Variants in AKAP7 observed in about 807,000 individuals in gnomAD.
AKAP7 encodes A-kinase anchoring protein 7, also known as A kinase (PRKA) anchor protein 7.
A neutral mutation model predicts 39.5 loss-of-function variants in AKAP7; 39 were observed. The ratio of observed to expected loss-of-function variants is 0.99; its 90% CI spans 0.76 to 1.29. AKAP7 has a LOEUF of 1.29. Among genes scored for constraint, AKAP7 ranks in the 50% most tolerant of loss-of-function variants. The pLI is 0.00. For synonymous variants in AKAP7, 140 were observed against 139.1 expected, an observed-to-expected ratio of 1.01 and a Z score of -0.05; for missense variants, 414 against 407.7, an observed-to-expected ratio of 1.02 and a Z score of -0.13.
intron 5 of AKAP7, among the ~76,000 whole-genome samples, chr6:131,182,517 A>G (rs903056671): frequency 6.6e-5 from 10 of 152,318 alleles, no homozygotes; most frequent in East Asian, 1.9e-4. Flanking sequence ...TCCGTGGTAT[A>G]TGTACATACC....
intron 6 of AKAP7, among the ~76,000 whole-genome samples, chr6:131,201,746 A>G (rs202139452): frequency 3.9e-5 from 6 of 152,234 alleles, no homozygotes; most frequent in Non-Finnish European, 8.8e-5. Flanking sequence ...TAAGTCTTTA[A>G]TCCATCTTGA....
chr6:131,139,053 T>C (rs1800810250), intron 1 of AKAP7, among the ~76,000 whole-genome samples: 1 of 152,234 alleles, frequency 6.6e-6, no homozygotes. Context: ...TAAGAGTTGG[T>C]TATTTTAAGG....
At chr6:131,168,463 AGG>A (rs1250557775) in intron 4 of AKAP7, among the ~76,000 whole-genome samples, 1 of 151,988 alleles carries the variant, frequency 6.6e-6, no homozygotes, top group Admixed American at 6.6e-5. Flanking sequence ...AGAGAGAGAG[AGG>A]GAGAAAAGAA....
At chr6:131,139,172 G>T (rs991888136) in intron 1 of AKAP7, among the ~76,000 whole-genome samples, 3 of 152,222 alleles carry the variant, frequency 2.0e-5, no homozygotes, top group Non-Finnish European at 2.9e-5. Context: ...AGAGCTTAGA[G>T]AACTGGAGGA....
chr6:131,169,078 A>G (rs760170237), intron 4 of AKAP7, 35 bp from the exon 5 acceptor site: 2 of 1,530,742 alleles, frequency 1.3e-6, no homozygotes, highest in South Asian at 1.1e-5. Context: ...TTTATTACTT[A>G]ATGTGTTACT....
chr6:131,177,265 G>C (rs1350150832), intron 5 of AKAP7, among the ~76,000 whole-genome samples: 2 of 152,134 alleles, frequency 1.3e-5, no homozygotes, highest in Non-Finnish European at 2.9e-5. Flanking sequence ...ATTTATGAAG[G>C]AAAGACGTTT....
At chr6:131,136,638 T>C (rs2128221731) in intron 1 of AKAP7, among the ~76,000 whole-genome samples, 2 of 152,338 alleles carry the variant, frequency 1.3e-5, no homozygotes, top group South Asian at 4.1e-4. Context: ...AGCATATCTG[T>C]ATATTTTCCT....
At chr6:131,236,464 G>C (rs1315097035) in intron 7 of AKAP7, among the ~76,000 whole-genome samples, 1 of 152,144 alleles carries the variant, frequency 6.6e-6, no homozygotes, top group African/African-American at 2.4e-5. Flanking sequence ...AGCTTGATGG[G>C]GATGGCATTG....
chr6:131,131,983 T>A (rs1800338748), upstream of AKAP7, among the ~76,000 whole-genome samples: 1 of 152,180 alleles, frequency 6.6e-6, no homozygotes. Context: ...GATGTTTGGT[T>A]ATTGACAGAA....
At chr6:131,195,731 GA>G (rs1433023919) in intron 5 of AKAP7, among the ~76,000 whole-genome samples, 2 of 152,100 alleles carry the variant, frequency 1.3e-5, no homozygotes, top group Admixed American at 6.6e-5. Flanking sequence ...TAGGGTAAAA[GA>G]TTTTTTTCCT....
chr6:131,210,285 A>G (rs1301559637), intron 6 of AKAP7, among the ~76,000 whole-genome samples: 1 of 152,268 alleles, frequency 6.6e-6, no homozygotes, highest in Non-Finnish European at 1.5e-5. Flanking sequence ...AAACCAGTTC[A>G]GTTCTCTTTC....
intron 5 of AKAP7, among the ~76,000 whole-genome samples, chr6:131,174,175 T>G (rs528929039): frequency 6.6e-6 from 1 of 152,368 alleles, no homozygotes; most frequent in East Asian, 1.9e-4. Context: ...TTATACTTGC[T>G]TTTAATCTTT....
At chr6:131,208,217 A>G (rs1261348065) in intron 6 of AKAP7, among the ~76,000 whole-genome samples, 1 of 152,192 alleles carries the variant, frequency 6.6e-6, no homozygotes, top group Admixed American at 6.5e-5. Flanking sequence ...GTATTTTTCA[A>G]CTTTATGCTG....
At chr6:131,262,750 A>G (rs1386997967) in intron 7 of AKAP7, among the ~76,000 whole-genome samples, 2 of 152,240 alleles carry the variant, frequency 1.3e-5, no homozygotes, top group Non-Finnish European at 2.9e-5. Context: ...AGTTTTGAAC[A>G]TTCTTTAAAA....
chr6:131,239,662 T>G (rs1669717827), intron 7 of AKAP7, among the ~76,000 whole-genome samples: 1 of 152,216 alleles, frequency 6.6e-6, no homozygotes, highest in Non-Finnish European at 1.5e-5. Context: ...TCATTTGATC[T>G]TCCATCACTG....
chr6:131,280,977 T>C (rs1051554633), intron 7 of AKAP7, among the ~76,000 whole-genome samples: 11 of 152,192 alleles, frequency 7.2e-5, no homozygotes, highest in African/African-American at 2.4e-4. Flanking sequence ...AAAAAAAATA[T>C]TAGTCTTACA....
chr6:131,154,451 C>T (rs1802231083), intron 2 of AKAP7, among the ~76,000 whole-genome samples: 3 of 145,908 alleles, frequency 2.1e-5, no homozygotes. Flanking sequence ...ATTGTCTAAA[C>T]GTTCCTCCCT....
intron 7 of AKAP7, among the ~76,000 whole-genome samples, chr6:131,229,298 T>G (rs1227296709): frequency 3.9e-5 from 6 of 152,178 alleles, no homozygotes; most frequent in Non-Finnish European, 7.3e-5. Context: ...TATCAGGTGC[T>G]TGACAGAGCA....
intron 5 of AKAP7, among the ~76,000 whole-genome samples, chr6:131,169,692 A>G (rs1459330383): frequency 3.9e-5 from 6 of 152,234 alleles, no homozygotes; most frequent in African/African-American, 1.4e-4. Flanking sequence ...GTGCAGCACA[A>G]TTGAAAGTGT....
Sources: allele counts gnomAD v4.1 joint callset (sites outside exome capture counted in the v4.1 genomes callset), GRCh38; gene constraint gnomAD v4.1.1; transcripts MANE v1.5; gene names NCBI Gene and HGNC (gene_info 2026-07-23, HGNC 2026-07-21).